The following CTNNA2 variants were observed in gnomAD, a reference collection of about 807,000 sequenced individuals.
CTNNA2 encodes catenin alpha-2.
CTNNA2 carries 42 observed loss-of-function variants against 101.0 expected under a neutral mutation model. The observed-to-expected ratio is 0.42, with a 90% CI of 0.32 to 0.54. CTNNA2 has a LOEUF of 0.54. CTNNA2 is among the 20% of genes least tolerant of loss of function. The pLI, the probability that CTNNA2 is intolerant of heterozygous loss-of-function variation, is 0.14. For missense variants in CTNNA2, 871 were observed against 1,223.1 expected (o/e 0.71, Z 4.29); for synonymous variants, 450 against 456.4 (o/e 0.99, Z 0.18).
intron 7 of CTNNA2, among the ~76,000 whole-genome samples, chr2:80,217,561 C>T (rs778451405): frequency 2.0e-5 from 3 of 152,142 alleles, no homozygotes; most frequent in Non-Finnish European, 4.4e-5. Context: ...AATGTTACTT[C>T]CTTACTCCCA....
chr2:79,463,754 G>T (rs1420634758), intron 4 of CTNNA2, among the ~76,000 whole-genome samples: 1 of 152,036 alleles, frequency 6.6e-6, no homozygotes. Flanking sequence ...GAGTGGAAGG[G>T]GTGCCATTAC....
intron 1 of CTNNA2, among the ~76,000 whole-genome samples, chr2:79,604,272 G>T (rs1677738992): frequency 6.6e-6 from 1 of 152,196 alleles, no homozygotes; most frequent in South Asian, 2.1e-4. Flanking sequence ...TAAGGGAGGT[G>T]GGAAGATGGC....
intron 7 of CTNNA2, among the ~76,000 whole-genome samples, chr2:80,042,869 C>G (rs1696160075): frequency 6.6e-6 from 1 of 152,100 alleles, no homozygotes; most frequent in African/African-American, 2.4e-5. Flanking sequence ...GCCTTACAGC[C>G]TTGGGTAAAT....
At chr2:79,205,907 T>G (rs1213369903) in intron 2 of CTNNA2, among the ~76,000 whole-genome samples, 5 of 152,294 alleles carry the variant, frequency 3.3e-5, no homozygotes, top group Non-Finnish European at 4.4e-5. Context: ...GATCTCTCAA[T>G]ATATTTCCTG....
intron 7 of CTNNA2, among the ~76,000 whole-genome samples, chr2:80,180,891 A>AT (rs920565197): frequency 1.4e-4 from 21 of 152,054 alleles, no homozygotes; most frequent in South Asian, 2.1e-4. Flanking sequence ...CGATTAGACC[A>AT]TTTTTTTAAC....
chr2:80,278,475 C>G (rs1363268279), intron 7 of CTNNA2, among the ~76,000 whole-genome samples: 1 of 152,078 alleles, frequency 6.6e-6, no homozygotes, highest in Non-Finnish European at 1.5e-5. Context: ...TGATTCCAGA[C>G]AAGTGTTCTT....
chr2:80,455,257 A>T (rs978837688), intron 9 of CTNNA2, among the ~76,000 whole-genome samples: 1 of 152,220 alleles, frequency 6.6e-6, no homozygotes, highest in Admixed American at 6.5e-5. Flanking sequence ...AGCTTGTCAC[A>T]TAAGTCTGGC....
chr2:80,085,155 A>G (rs867216540), intron 7 of CTNNA2, among the ~76,000 whole-genome samples: 14 of 152,106 alleles, frequency 9.2e-5, no homozygotes, highest in African/African-American at 2.4e-4. Context: ...CAAAGTTTTG[A>G]TGCAGCAGAT....
At chr2:80,374,233 C>A (rs930144024) in intron 7 of CTNNA2, among the ~76,000 whole-genome samples, 6 of 152,050 alleles carry the variant, frequency 3.9e-5, no homozygotes, top group Non-Finnish European at 5.9e-5. Context: ...CTCTTTCCAC[C>A]CTGGTAGTTC....
chr2:79,655,918 A>G (rs1681583558), intron 2 of CTNNA2, among the ~76,000 whole-genome samples: 1 of 152,044 alleles, frequency 6.6e-6, no homozygotes, highest in Non-Finnish European at 1.5e-5. Flanking sequence ...GCATTAAAAT[A>G]TTTTCTCAAA....
chr2:80,309,057 C>T (rs1000768600), intron 7 of CTNNA2, among the ~76,000 whole-genome samples: 1 of 151,818 alleles, frequency 6.6e-6, no homozygotes, highest in Non-Finnish European at 1.5e-5. Context: ...CCACTGCATT[C>T]CAGCCTGGAC....
Position 79,473,975 on chromosome 2 carries a change from T to C in CTNNA2, c.-134-31079T>C, listed in dbSNP as rs1170547999. On this transcript the variant is annotated intron_variant, in intron 4 of 21. Transcript: ENST00000466387. ...GTGGCTGTTGAACACTTGAGATGTG[T>C]CAAGTATTACTGAGGAATTGGGTTT... is the stretch of plus-strand genomic sequence containing the variant. 2.0e-5 allele frequency among the ~76,000 whole-genome samples: 3 copies of C among 152,180 alleles called. No individual in the cohort carries two copies. In the East Asian group the frequency reaches 5.8e-4, roughly 29 times the overall value.
At chr2:79,322,131 A>G (rs887628369) in intron 3 of CTNNA2, among the ~76,000 whole-genome samples, 1 of 152,242 alleles carries the variant, frequency 6.6e-6, no homozygotes, top group Non-Finnish European at 1.5e-5. Flanking sequence ...GGCAAGAGCT[A>G]TCCTGGAAAT....
chr2:79,600,992 A>G (rs895852309), intron 1 of CTNNA2, among the ~76,000 whole-genome samples: 5 of 152,136 alleles, frequency 3.3e-5, no homozygotes, highest in African/African-American at 1.2e-4. Flanking sequence ...ATTTCAACCT[A>G]TAAATTTTAG....
intron 13 of CTNNA2, among the ~76,000 whole-genome samples, chr2:80,575,498 A>C (rs935031244): frequency 6.6e-6 from 1 of 152,018 alleles, no homozygotes; most frequent in Admixed American, 6.6e-5. Context: ...GAGAAAAGAG[A>C]TATAAGAATT....
At chr2:80,477,862 G>T (rs1685849508) in intron 9 of CTNNA2, among the ~76,000 whole-genome samples, 1 of 151,798 alleles carries the variant, frequency 6.6e-6, no homozygotes, top group African/African-American at 2.4e-5. Flanking sequence ...TACACATGCA[G>T]GTATTTTTTG....
Position 79,330,253 on chromosome 2 carries a change from G to A in CTNNA2, c.-318+17457G>A, listed in dbSNP as rs141021461. ...AAAGGAAGGAATTTAAAATGCAGAGGGGAGACAGGTTACATACAATGTCAG... is the reference window on the plus strand; with the variant it reads ...AAAGGAAGGAATTTAAAATGCAGAGAGGAGACAGGTTACATACAATGTCAG... On this transcript the variant is annotated intron_variant, in intron 3 of 21. Transcript: ENST00000466387. Among the ~76,000 whole-genome samples the A allele has an allele frequency of 1.2e-3, 185 of 152,236 alleles. 4 individuals are homozygous for A. The East Asian group carries it at 0.032, about 26-fold the overall frequency.
At chr2:79,786,964 G>A (rs1440406709) in intron 3 of CTNNA2, among the ~76,000 whole-genome samples, 1 of 151,826 alleles carries the variant, frequency 6.6e-6, no homozygotes, top group East Asian at 1.9e-4. Flanking sequence ...TCCAATCCCT[G>A]CCTTGGCATT....
At chr2:80,579,210 G>C (rs1349150351) in intron 13 of CTNNA2, 1 of 152,010 alleles carries the variant, frequency 6.6e-6, no homozygotes, top group Non-Finnish European at 1.5e-5. Flanking sequence ...CTTTATTTTG[G>C]TTCTTGGGCC....
Sources: gnomAD v4.1 joint callset for allele counts (sites outside exome capture counted in the v4.1 genomes callset) on GRCh38, gnomAD v4.1.1 for gene constraint, MANE v1.5 for transcripts, NCBI Gene and HGNC (gene_info 2026-07-23, HGNC 2026-07-21) for gene names.